DYNC1I1: variants seen among roughly 807,000 people sequenced by gnomAD.
DYNC1I1 encodes dynein cytoplasmic 1 intermediate chain 1.
Under a neutral mutation model 86.6 loss-of-function variants are expected in DYNC1I1, and 43 were observed. The observed-to-expected ratio is 0.50, with a 90% CI of 0.39 to 0.64. The LOEUF is 0.64. DYNC1I1 is among the 30% of genes least tolerant of loss of function. The pLI, the probability that DYNC1I1 is intolerant of heterozygous loss-of-function variation, is 0.00. For missense variants in DYNC1I1, 604 were observed against 788.8 expected (o/e 0.77, Z 2.81); for synonymous variants, 262 against 283.7 (o/e 0.92, Z 0.77).
intron 10 of DYNC1I1, among the ~76,000 whole-genome samples, chr7:96,000,123 G>A (rs2115783570): frequency 6.6e-6 from 1 of 152,166 alleles, no homozygotes; most frequent in Non-Finnish European, 1.5e-5. Context: ...GCTAAGAAGT[G>A]GTTATTACAG....
chr7:95,919,812 T>C (rs1175445151), intron 6 of DYNC1I1, among the ~76,000 whole-genome samples: 1 of 151,950 alleles, frequency 6.6e-6, no homozygotes, highest in East Asian at 1.9e-4. Context: ...ACTGAAAGAG[T>C]TCCCAGTGGT....
At chr7:95,888,506 A>T (rs1790655069) in intron 6 of DYNC1I1, among the ~76,000 whole-genome samples, 1 of 152,152 alleles carries the variant, frequency 6.6e-6, no homozygotes, top group Non-Finnish European at 1.5e-5. Context: ...GTGAATTCCC[A>T]TCTTGGTTAG....
chr7:96,095,555 A>T (rs1790978517), intron 16 of DYNC1I1, among the ~76,000 whole-genome samples: 1 of 152,132 alleles, frequency 6.6e-6, no homozygotes, highest in South Asian at 2.1e-4. Context: ...ATATGAAGTT[A>T]TGGGGCATTT....
At chr7:95,858,796 C>G (rs1161793947) in intron 5 of DYNC1I1, among the ~76,000 whole-genome samples, 2 of 151,040 alleles carry the variant, frequency 1.3e-5, no homozygotes, top group Non-Finnish European at 1.5e-5. Context: ...TTTACTCCTT[C>G]TTAAACTCCT....
intron 6 of DYNC1I1, among the ~76,000 whole-genome samples, chr7:95,871,758 A>G (rs1189987346): frequency 1.3e-5 from 2 of 152,202 alleles, no homozygotes; most frequent in East Asian, 1.9e-4. Context: ...TATTACTGCA[A>G]GGAGAGCTTG....
At chr7:95,868,026 T>G (rs985678327) in intron 5 of DYNC1I1, among the ~76,000 whole-genome samples, 1 of 152,224 alleles carries the variant, frequency 6.6e-6, no homozygotes, top group Non-Finnish European at 1.5e-5. Flanking sequence ...TTGGTGATTT[T>G]GTTTCTGATA....
chr7:96,065,533 A>T (rs3819443), intron 14 of DYNC1I1, among the ~76,000 whole-genome samples: 1 of 151,802 alleles, frequency 6.6e-6, no homozygotes, highest in East Asian at 1.9e-4. Flanking sequence ...ATTCATCACC[A>T]TGCCTGGCTA....
At position 95,863,348 on chromosome 7, in the gene DYNC1I1, C is replaced by T. The variant is rs552673656; in HGVS notation, c.375-6535C>T. 9.9e-5 allele frequency among the ~76,000 whole-genome samples: 15 copies of T among 152,046 alleles called. 1 individual carries two copies. The South Asian group carries it at 2.3e-3, about 23-fold the overall frequency. On this transcript the variant is annotated intron_variant, in intron 5 of 16. Coordinates refer to ENST00000447467, the MANE Select transcript of DYNC1I1 (RefSeq NM_001135556.2). ...AGTGGTTGTCAAGGGCTAGGCGAGG[C>T]GGGAATGGGGAGTGACTGCCAGTAG...
At chr7:95,998,113 G>A (rs1397199501) in intron 10 of DYNC1I1, among the ~76,000 whole-genome samples, 2 of 152,148 alleles carry the variant, frequency 1.3e-5, no homozygotes, top group South Asian at 4.1e-4. Context: ...CAACACTTCT[G>A]CCTTCATGAT....
chr7:95,984,781 A>C, intron 7 of DYNC1I1, 34 bp from the exon 8 acceptor site: 1 of 1,548,508 alleles, frequency 6.5e-7, no homozygotes, highest in Non-Finnish European at 8.7e-7. Context: ...TTCTTCCCTA[A>C]CAATCTCTTT....
intron 9 of DYNC1I1, 94 bp downstream of exon 9, chr7:95,987,249 C>T: frequency 9.4e-7 from 1 of 1,061,456 alleles, no homozygotes; most frequent in South Asian, 1.4e-5. Flanking sequence ...CCTACGATTT[C>T]CTCTCTATGC....
chr7:95,823,509 C>T (rs553239253), intron 4 of DYNC1I1, among the ~76,000 whole-genome samples: 15 of 152,208 alleles, frequency 9.9e-5, no homozygotes, highest in African/African-American at 2.4e-4. Context: ...TAGATGTTAT[C>T]GGTATATTAT....
intron 6 of DYNC1I1, among the ~76,000 whole-genome samples, chr7:95,917,830 C>T (rs6957472): frequency 0.012 from 1,767 of 152,206 alleles, 25 homozygotes; most frequent in African/African-American, 0.04. Context: ...TGGCTGCAGT[C>T]GGCTGTCCTT....
intron 8 of DYNC1I1, 57 bp downstream of exon 8, chr7:95,985,034 T>C: frequency 6.3e-7 from 1 of 1,583,702 alleles, no homozygotes; most frequent in Non-Finnish European, 8.5e-7. Context: ...TTAATTCTAA[T>C]TTATTTATGT....
chr7:96,024,298 T>A, intron 10 of DYNC1I1, among the ~76,000 whole-genome samples: 1 of 152,192 alleles, frequency 6.6e-6, no homozygotes, highest in East Asian at 1.9e-4. Flanking sequence ...GGTTTCACCA[T>A]GTTGCTCATG....
chr7:95,987,516 C>T (rs1340556478), intron 9 of DYNC1I1, among the ~76,000 whole-genome samples: 1 of 152,172 alleles, frequency 6.6e-6, no homozygotes, highest in Non-Finnish European at 1.5e-5. Flanking sequence ...GAAACATCCT[C>T]TTTCCATTGA....
At chr7:95,901,148 A>G (rs1279852286) in intron 6 of DYNC1I1, among the ~76,000 whole-genome samples, 1 of 152,188 alleles carries the variant, frequency 6.6e-6, no homozygotes, top group African/African-American at 2.4e-5. Context: ...TGGCAGCTGT[A>G]TGTTTCCAGC....
chr7:96,052,878 C>T (rs997653526), intron 14 of DYNC1I1, among the ~76,000 whole-genome samples: 1 of 152,162 alleles, frequency 6.6e-6, no homozygotes, highest in African/African-American at 2.4e-5. Context: ...CACCTCTTGC[C>T]TGATGTCATG....
intron 14 of DYNC1I1, among the ~76,000 whole-genome samples, chr7:96,045,625 T>C (rs944402362): frequency 2.0e-5 from 3 of 152,046 alleles, no homozygotes; most frequent in Non-Finnish European, 4.4e-5. Flanking sequence ...ATAGAATACA[T>C]GATAATGAAC....
Sources: gnomAD v4.1 joint callset for allele counts (sites outside exome capture counted in the v4.1 genomes callset) on GRCh38, gnomAD v4.1.1 for gene constraint, MANE v1.5 for transcripts, NCBI Gene and HGNC (gene_info 2026-07-23, HGNC 2026-07-21) for gene names.